Variants in KCNT2 observed in about 807,000 individuals in gnomAD.
The protein encoded by KCNT2 is potassium channel subfamily T member 2.
KCNT2 carries 67 observed loss-of-function variants against 153.8 expected under a neutral mutation model. The ratio of observed to expected loss-of-function variants is 0.44; its 90% CI spans 0.36 to 0.53. The LOEUF is 0.53. Ranked by LOEUF, KCNT2 falls within the 20% of genes least tolerant of loss-of-function variation. The pLI, the probability that KCNT2 is intolerant of heterozygous loss-of-function variation, is 0.00. For missense variants in KCNT2, 975 were observed against 1,354.8 expected, an observed-to-expected ratio of 0.72 and a Z score of 4.40; for synonymous variants, 500 against 458.8, an observed-to-expected ratio of 1.09 and a Z score of -1.15.
chr1:196,316,184 C>T (rs1662697650), intron 20 of KCNT2, among the ~76,000 whole-genome samples, 158 bp from the exon 21 acceptor site: 1 of 151,678 alleles, frequency 6.6e-6, no homozygotes, highest in Non-Finnish European at 1.5e-5. Flanking sequence ...AATTATGATA[C>T]AATATTATCT....
rs1166021273 is a variant in KCNT2, at chr1:196,435,139, GTATATATATATATATATATATATATATA to G, written c.639-5410_639-5383del. On this transcript the variant is annotated intron_variant, in intron 8 of 27. Coordinates refer to ENST00000294725, the MANE Select transcript of KCNT2 (RefSeq NM_198503.5). ...TAGATACTTATGTGTGTGTGTGTAT[GTATATATATATATATATATATATATATA>G]TATATATATATATATGAATATGGAC... 1.7e-4 allele frequency among the ~76,000 whole-genome samples: 8 copies of G among 45,716 alleles called. 1 individual carries two copies. The highest frequency in any genetic ancestry group is 9.8e-4 in the Admixed American group (3 of 3,054). 30.0% of individuals were successfully genotyped at this position (45,716 alleles called of 152,430 possible).
At chr1:196,460,720 G>T (rs1012073991) in intron 8 of KCNT2, among the ~76,000 whole-genome samples, 4 of 151,732 alleles carry the variant, frequency 2.6e-5, no homozygotes, top group Non-Finnish European at 4.4e-5. Context: ...AGACTTGAAT[G>T]ATGAGTAGGA....
chr1:196,333,918 T>G lies in KCNT2; in HGVS notation c.1926A>C (p.Gln642His), dbSNP rs1558157996. The change falls in exon 17 of 28, where the codon CAA (glutamine) becomes CAC (histidine). Residue 642 changes from glutamine to histidine, a missense_variant. Around this residue, in one of 6 missense-constraint regions of KCNT2, gnomAD observed 325 missense variants for 388.1 expected, o/e 0.84. Coordinates refer to ENST00000294725, the MANE Select transcript of KCNT2 (RefSeq NM_198503.5). ...VLEVADTSSIQTCDLLSDQSE... is the reference protein window; with the variant it reads ...VLEVADTSSIHTCDLLSDQSE... ...ATTGGTCACTTAGAAGATCACATGTTTGAATCGATGATGTATCTGCAACCT... is the reference window on the plus strand; with the variant it reads ...ATTGGTCACTTAGAAGATCACATGTGTGAATCGATGATGTATCTGCAACCT... 3 of 1,612,938 alleles carry G rather than the reference T, an allele frequency of 1.9e-6. No individual in the cohort carries two copies. The highest frequency in any genetic ancestry group is 2.5e-6 in the Non-Finnish European group (3 of 1,179,248).
At chr1:196,244,291 G>T (rs571785075) in intron 26 of KCNT2, among the ~76,000 whole-genome samples, 2 of 152,066 alleles carry the variant, frequency 1.3e-5, no homozygotes, top group African/African-American at 4.8e-5. Flanking sequence ...TATAGCAAGA[G>T]ATTCCTTATG....
chr1:196,555,691 G>T (rs1198680044), intron 1 of KCNT2, among the ~76,000 whole-genome samples: 2 of 150,938 alleles, frequency 1.3e-5, no homozygotes, highest in East Asian at 3.9e-4. Context: ...AGATAGCAAA[G>T]GTTATCCTAA....
chr1:196,352,494 G>C (rs929952903), intron 14 of KCNT2, among the ~76,000 whole-genome samples: 3 of 152,182 alleles, frequency 2.0e-5, no homozygotes, highest in African/African-American at 4.8e-5. Flanking sequence ...TATTTGCACA[G>C]AGGTGTTTGT....
chr1:196,384,261 A>G (rs1018465216), intron 13 of KCNT2, among the ~76,000 whole-genome samples: 1 of 152,158 alleles, frequency 6.6e-6, no homozygotes, highest in Non-Finnish European at 1.5e-5. Flanking sequence ...AAATCCTCAT[A>G]ACAAGTAAAG....
At chr1:196,336,458 G>T (rs912145683) in intron 16 of KCNT2, among the ~76,000 whole-genome samples, 7 of 151,932 alleles carry the variant, frequency 4.6e-5, no homozygotes, top group Admixed American at 2.0e-4. Flanking sequence ...CTTAAATTAA[G>T]TTCCATGGCC....
intron 21 of KCNT2, among the ~76,000 whole-genome samples, chr1:196,308,893 A>C (rs964373884): frequency 6.6e-6 from 1 of 152,070 alleles, no homozygotes; most frequent in Non-Finnish European, 1.5e-5. Context: ...AACGTTTTAT[A>C]AATTACTTCA....
intron 15 of KCNT2, among the ~76,000 whole-genome samples, chr1:196,341,312 G>T (rs1665601989): frequency 6.6e-6 from 1 of 151,820 alleles, no homozygotes; most frequent in Non-Finnish European, 1.5e-5. Context: ...AATATCTTAT[G>T]TAATTTATTG....
intron 14 of KCNT2, among the ~76,000 whole-genome samples, chr1:196,352,807 A>G (rs985000421): frequency 1.3e-5 from 2 of 151,880 alleles, no homozygotes; most frequent in South Asian, 4.2e-4. Flanking sequence ...TAGGGTGTCA[A>G]TTTTGGATCT....
chr1:196,315,842 C>T, intron 21 of KCNT2, 50 bp downstream of exon 21: 2 of 1,508,808 alleles, frequency 1.3e-6, no homozygotes, highest in Non-Finnish European at 1.8e-6. Context: ...AATATTTTAC[C>T]AATGTTTAGC....
At chr1:196,453,644 G>T (rs1278996846) in intron 8 of KCNT2, among the ~76,000 whole-genome samples, 14 of 151,790 alleles carry the variant, frequency 9.2e-5, no homozygotes, top group Admixed American at 9.2e-4. Flanking sequence ...AACCTCTATA[G>T]TCATATCTTA....
intron 16 of KCNT2, among the ~76,000 whole-genome samples, chr1:196,336,804 A>G (rs1045515299): frequency 2.0e-5 from 3 of 152,256 alleles, no homozygotes; most frequent in South Asian, 4.1e-4. Flanking sequence ...ATGGCTTTAC[A>G]TGGTGTTGTC....
At chr1:196,553,774 A>G (rs1658265699) in intron 1 of KCNT2, among the ~76,000 whole-genome samples, 1 of 151,258 alleles carries the variant, frequency 6.6e-6, no homozygotes, top group Admixed American at 6.6e-5. Flanking sequence ...ATGAAATAAT[A>G]TCACTCATTG....
At chr1:196,342,755 T>C (rs925210843) in intron 14 of KCNT2, among the ~76,000 whole-genome samples, 1 of 152,100 alleles carries the variant, frequency 6.6e-6, no homozygotes, top group South Asian at 2.1e-4. Context: ...CTTTAGTTTT[T>C]GTTCATATCG....
chr1:196,258,035 T>C, intron 26 of KCNT2, 159 bp downstream of exon 26: 1 of 1,424,892 alleles, frequency 7.0e-7, no homozygotes, highest in African/African-American at 1.4e-5. Flanking sequence ...CTTATCATCA[T>C]CATTTAAATT....
intron 22 of KCNT2, among the ~76,000 whole-genome samples, chr1:196,293,011 C>T (rs1049393109): frequency 1.3e-5 from 2 of 151,238 alleles, no homozygotes; most frequent in African/African-American, 4.9e-5. Flanking sequence ...TAATTAAAAC[C>T]AGTCCCATTC....
intron 26 of KCNT2, among the ~76,000 whole-genome samples, chr1:196,245,245 C>A (rs974324334): frequency 6.6e-6 from 1 of 152,012 alleles, no homozygotes; most frequent in Non-Finnish European, 1.5e-5. Context: ...AATCCCAGAA[C>A]TTTGGGAAGC....
Sources: allele counts gnomAD v4.1 joint callset (sites outside exome capture counted in the v4.1 genomes callset), GRCh38; gene constraint gnomAD v4.1.1; regional missense constraint gnomAD v4.1.1; transcripts MANE v1.5; gene names NCBI Gene and HGNC (gene_info 2026-07-23, HGNC 2026-07-21).